The following DDC variants were observed in gnomAD, a reference collection of about 807,000 sequenced individuals.
The protein encoded by DDC is aromatic-L-amino-acid decarboxylase.
A neutral mutation model predicts 60.0 loss-of-function variants in DDC; 43 were observed. The ratio of observed to expected loss-of-function variants is 0.72; its 90% CI spans 0.56 to 0.92. DDC has a LOEUF of 0.92. DDC is among the 40% of genes least tolerant of loss of function. The probability of loss-of-function intolerance (pLI) is 0.00; values close to 1 mark genes in which losing one functional copy is unlikely to be tolerated. For synonymous variants in DDC, 232 were observed against 234.6 expected (o/e 0.99, Z 0.10); for missense variants, 573 against 620.2 (o/e 0.92, Z 0.81).
intron 4 of DDC, among the ~76,000 whole-genome samples, chr7:50,532,246 G>T (rs1028437623): frequency 1.3e-5 from 2 of 152,200 alleles, no homozygotes; most frequent in Non-Finnish European, 2.9e-5. Context: ...GGCAAACACA[G>T]ATCCCATTTC....
chr7:50,490,467 G>A (rs1378667348), intron 9 of DDC, among the ~76,000 whole-genome samples: 1 of 152,178 alleles, frequency 6.6e-6, no homozygotes, highest in African/African-American at 2.4e-5. Flanking sequence ...TCAGGAGATC[G>A]AGATCATCCT....
In DDC at chr7:50,528,240, A is replaced by T; in HGVS notation, c.611T>A (p.Val204Glu). The T allele has an allele frequency of 6.2e-7, 1 of 1,613,934 alleles. No individual in the cohort carries two copies. The highest frequency in any genetic ancestry group is 1.1e-5 in the South Asian group (1 of 91,068). The change falls in exon 6 of 15, where the codon GTG becomes GAG. Residue 204 changes from valine (V) to glutamate (E), a missense_variant. Coordinates refer to ENST00000444124, the MANE Select transcript of DDC (RefSeq NM_001082971.2). Reference protein sequence around the residue: ...SVERAGLIGGVKLKAIPSDGN... With the variant: ...SVERAGLIGGEKLKAIPSDGN... ...ATCTGAGGGGATGGCTTTTAATTTC[A>T]CTCCACCAATTAACCCAGCTCTTTC... is the stretch of plus-strand genomic sequence containing the variant.
intron 12 of DDC, 58 bp downstream of exon 12, chr7:50,470,015 C>A: frequency 3.5e-5 from 37 of 1,049,078 alleles, no homozygotes; most frequent in African/African-American, 4.7e-5. Flanking sequence ...GAATTTATTT[C>A]TAAAGTCCCG....
intron 1 of DDC, among the ~76,000 whole-genome samples, chr7:50,556,414 T>C (rs1175494606): frequency 6.6e-6 from 1 of 152,170 alleles, no homozygotes; most frequent in Middle Eastern, 3.2e-3. Context: ...ATGAGGGCTC[T>C]GACTTCATGA....
chr7:50,481,038 A>C (rs982349820), intron 9 of DDC, among the ~76,000 whole-genome samples: 2 of 152,222 alleles, frequency 1.3e-5, no homozygotes, highest in African/African-American at 4.8e-5. Context: ...TCCTAAGGGC[A>C]AACTAGAGAA....
chr7:50,521,951 G>T (rs2043903376), intron 6 of DDC, among the ~76,000 whole-genome samples: 1 of 148,576 alleles, frequency 6.7e-6, no homozygotes, highest in Admixed American at 6.8e-5. Flanking sequence ...ACAAGAAGAG[G>T]AAATAAGAGA....
Position 50,543,907 on chromosome 7 carries a change from A to T in DDC, c.179T>A (p.Val60Asp), listed in dbSNP as rs770446305. ...PDTFEDIIND[V>D]EKIIMPGVTH... ...TACCCCAGGCATGATTATCTTCTCA[A>T]CGTCGTTGATGATGTCCTCAAACGT... Residue 60 changes from valine to aspartate, a missense_variant, in exon 2 of 15, where the codon GTT becomes GAT. Val to Asp is a radical substitution (Grantham distance 152). Transcript: ENST00000444124. 2 of 1,613,980 alleles carry T rather than the reference A, an allele frequency of 1.2e-6. No individual in the cohort carries two copies. The highest frequency in any genetic ancestry group is 2.2e-5 in the South Asian group (2 of 91,076).
At position 50,538,884 on chromosome 7, in the gene DDC, A is replaced by G. The variant is rs2044508677; in HGVS notation, c.316-905T>C. On this transcript the variant is annotated intron_variant, in intron 3 of 14. Transcript: ENST00000444124. The stretch of plus-strand genomic sequence containing the variant: ...TCAGCCCAGGCCAGCCCTGCCCAGC[A>G]GAGAGGGAGGCCCCAGTGCCTGGCA... Among the ~76,000 whole-genome samples, 5 of 151,536 alleles carry G rather than the reference A, an allele frequency of 3.3e-5. No homozygotes were observed. In the South Asian group the frequency reaches 1.0e-3, roughly 32 times the overall value.
intron 10 of DDC, among the ~76,000 whole-genome samples, chr7:50,477,253 G>C (rs6965432): frequency 0.013 from 1,937 of 152,266 alleles, 38 homozygotes; most frequent in African/African-American, 0.045. Flanking sequence ...CAAACCCCAG[G>C]ACAATAAAGG....
At chr7:50,555,700 C>G (rs1285565037) in intron 1 of DDC, among the ~76,000 whole-genome samples, 1 of 152,162 alleles carries the variant, frequency 6.6e-6, no homozygotes, top group Admixed American at 6.5e-5. Context: ...AGCTCTTTGC[C>G]TGGTTCTCGT....
chr7:50,499,260 C>T lies in DDC; in HGVS notation c.782-18G>A, dbSNP rs781093505. 1.3e-6 allele frequency: 2 copies of T among 1,584,740 alleles called. No individual in the cohort carries two copies. The highest frequency in any genetic ancestry group is 1.1e-5 in the South Asian group (1 of 89,982). ...CTTGTTGCCTAAAGTTCAGAATCAACTTGTGAGTCCCCAGATGGATGCCTC... is the reference window on the plus strand; with the variant it reads ...CTTGTTGCCTAAAGTTCAGAATCAATTTGTGAGTCCCCAGATGGATGCCTC... On this transcript the variant is annotated intron_variant, in intron 7 of 14. Coordinates refer to ENST00000444124, the MANE Select transcript of DDC (RefSeq NM_001082971.2).
At chr7:50,527,691 C>A in intron 6 of DDC, 1 of 224,130 alleles carries the variant, frequency 4.5e-6, no homozygotes, top group South Asian at 7.1e-5. Flanking sequence ...TGGAGATGAA[C>A]GCAACGGAGA....
At chr7:50,518,626 A>G (rs562066634) in intron 6 of DDC, among the ~76,000 whole-genome samples, 1 of 152,220 alleles carries the variant, frequency 6.6e-6, no homozygotes, top group African/African-American at 2.4e-5. Context: ...AAACAAAAAC[A>G]TAAAGTGGGG....
At chr7:50,562,098 T>C (rs1230992546) in intron 1 of DDC, among the ~76,000 whole-genome samples, 1 of 152,206 alleles carries the variant, frequency 6.6e-6, no homozygotes, top group Non-Finnish European at 1.5e-5. Flanking sequence ...CCTCTGACTT[T>C]AAGCAGCATC....
chr7:50,560,533 G>A lies in DDC; in HGVS notation c.-29+4752C>T, dbSNP rs11575273. On this transcript the variant is annotated intron_variant, in intron 1 of 14. Transcript: ENST00000444124. ...CTGTTAATTAGCTCCTCTCCTTCACGTCTGAGGAAGGAAAGGCGGCCAGGG... is the reference window on the plus strand; with the variant it reads ...CTGTTAATTAGCTCCTCTCCTTCACATCTGAGGAAGGAAAGGCGGCCAGGG... 3.3e-3 allele frequency among the ~76,000 whole-genome samples: 506 copies of A among 152,200 alleles called. 3 individuals carry two copies. The highest frequency in any genetic ancestry group is 0.012 in the African/African-American group (483 of 41,514).
At chr7:50,545,317 C>T (rs2044766195) in intron 1 of DDC, among the ~76,000 whole-genome samples, 1 of 152,064 alleles carries the variant, frequency 6.6e-6, no homozygotes, top group Non-Finnish European at 1.5e-5. Context: ...TGAATTTTAG[C>T]AAGTAGGAGA....
At position 50,463,273 on chromosome 7, in the gene DDC, G is replaced by C. The variant is rs756384903; in HGVS notation, c.1401C>G (p.Ile467Met). ...SAHVQRAWEH[I>M]KELAADVLRA... ...GCAGCACGTCGGCCGCCAGCTCTTT[G>C]ATGTGTTCCCAGGCCCGCTGCACAT... Residue 467 changes from isoleucine to methionine, a missense_variant, in exon 14 of 15, where the codon ATC (isoleucine) becomes ATG (methionine). By Grantham distance (10) the Ile-to-Met change is conservative (BLOSUM62 1). Coordinates refer to ENST00000444124, the MANE Select transcript of DDC (RefSeq NM_001082971.2). The C allele has an allele frequency of 6.2e-7, 1 of 1,614,156 alleles. No individual in the cohort carries two copies. The highest frequency in any genetic ancestry group is 8.5e-7 in the Non-Finnish European group (1 of 1,180,002).
chr7:50,537,409 C>G (rs11575321), intron 4 of DDC, among the ~76,000 whole-genome samples: 15,492 of 152,290 alleles, frequency 0.1, 1,057 homozygotes, highest in South Asian at 0.14. Flanking sequence ...CTAGTTTCCT[C>G]TCCTGTAAAA....
chr7:50,461,320 C>T (rs2153532542), intron 14 of DDC, among the ~76,000 whole-genome samples: 2 of 152,256 alleles, frequency 1.3e-5, no homozygotes, highest in East Asian at 3.9e-4. Flanking sequence ...GAGCTATGAC[C>T]ACATGAATAT....
Sources: gnomAD v4.1 joint callset for allele counts (sites outside exome capture counted in the v4.1 genomes callset) on GRCh38, gnomAD v4.1.1 for gene constraint, MANE v1.5 for transcripts, NCBI Gene and HGNC (gene_info 2026-07-23, HGNC 2026-07-21) for gene names.